Variants in WSCD1 observed in about 807,000 individuals in gnomAD.
WSCD1 encodes WSC domain sialate O sulfotransferase 1.
A neutral mutation model predicts 60.4 loss-of-function variants in WSCD1; 41 were observed. The ratio of observed to expected loss-of-function variants is 0.68; its 90% CI spans 0.53 to 0.88. WSCD1 has a LOEUF of 0.88. Ranked by LOEUF, WSCD1 falls within the 40% of genes least tolerant of loss-of-function variation. WSCD1 has a pLI of 0.00. For synonymous variants in WSCD1, 361 were observed against 332.5 expected, an observed-to-expected ratio of 1.09 and a Z score of -0.93; for missense variants, 784 against 796.2, an observed-to-expected ratio of 0.98 and a Z score of 0.18.
At chr17:6,099,014 A>C (rs1425655913) in intron 5 of WSCD1, among the ~76,000 whole-genome samples, 3 of 152,130 alleles carry the variant, frequency 2.0e-5, no homozygotes, top group Admixed American at 1.3e-4. Flanking sequence ...GCAACTGCTG[A>C]GCAGGAACCA....
At chr17:6,077,180 C>A (rs1009410467) in intron 1 of WSCD1, among the ~76,000 whole-genome samples, 5 of 151,662 alleles carry the variant, frequency 3.3e-5, no homozygotes, top group Non-Finnish European at 5.9e-5. Context: ...CCTCCGCCTC[C>A]CAGGTTTAAG....
rs1233185403 is a variant in WSCD1 at position 6,075,267 on chromosome 17, C to T, written c.-289+4615C>T. ...TCTGGTGTCATTTTCCCTTCAGCTG[C>T]CTCTGCCTGTTCTCTCTGACCGGGG... is the stretch of plus-strand genomic sequence containing the variant. On this transcript the variant is annotated intron_variant, in intron 1 of 8. Coordinates refer to ENST00000317744, the MANE Select transcript of WSCD1 (RefSeq NM_015253.2). This position sits in a 1 kb window ranked among gnomAD's most constrained non-coding sequence, Gnocchi z 4.1. Among the ~76,000 whole-genome samples the T allele has an allele frequency of 6.6e-6, 1 of 152,170 alleles. No homozygotes were observed. The highest frequency in any genetic ancestry group is 1.5e-5 in the Non-Finnish European group (1 of 68,032).
intron 3 of WSCD1, among the ~76,000 whole-genome samples, chr17:6,088,575 A>G (rs1014829550): frequency 2.6e-5 from 4 of 152,182 alleles, no homozygotes; most frequent in Non-Finnish European, 5.9e-5. Context: ...TGTGTCTATA[A>G]CAAGGTTTAC....
Position 6,080,527 on chromosome 17 carries a change from C to T in WSCD1, c.-132C>T. ...GAAACGGGGCAGGAACAGTGAGTGA[C>T]CCCAGGCGAGCACAGGCAGGTGCCA... On this transcript the variant is annotated 5_prime_UTR_variant, in exon 2 of 9. Transcript: ENST00000317744. This position sits in a 1 kb window ranked among gnomAD's most constrained non-coding sequence, Gnocchi z 6.6. The T allele has an allele frequency of 3.3e-6, 3 of 915,398 alleles. No homozygotes were observed. The highest frequency in any genetic ancestry group is 5.0e-6 in the Non-Finnish European group (3 of 597,580). 56.7% of individuals were successfully genotyped at this position (915,398 alleles called of 1,614,324 possible).
At position 6,117,989 on chromosome 17, in the gene WSCD1, G is replaced by A. The variant is rs772109694; in HGVS notation, c.1176G>A (p.Gly392=). The A allele has an allele frequency of 1.9e-6, 3 of 1,613,436 alleles. No individual in the cohort carries two copies. The highest frequency in any genetic ancestry group is 1.3e-5 in the African/African-American group (1 of 75,028). ...YYFDGTLYNK[G]FKGEKDHWRS... is the part of the protein sequence containing the mutation. ...AGACCCTCTCATTTTTCCCTGCAGG[G>A]TTCAAGGGCGAAAAGGACCACTGGC... Residue 392 remains glycine (G), a splice_region_variant and synonymous_variant, in exon 8 of 9, where the codon GGG becomes GGA. Coordinates refer to ENST00000317744, the MANE Select transcript of WSCD1 (RefSeq NM_015253.2).
rs1467441295 is a variant in WSCD1 at position 6,109,824 on chromosome 17, C to A, written c.1009+58C>A. 6 of 1,581,102 alleles carry A rather than the reference C, an allele frequency of 3.8e-6. No individual in the cohort carries two copies. In the African/African-American group the frequency reaches 8.1e-5, roughly 21 times the overall value. ...TTGGTCTGGGGGGTGGGGAGAGCTT[C>A]CAGGGTTTGGAGATGCCAGTCATGG... On this transcript the variant is annotated intron_variant, in intron 6 of 8. Coordinates refer to ENST00000317744, the MANE Select transcript of WSCD1 (RefSeq NM_015253.2).
At chr17:6,087,497 C>G (rs1909733092) in intron 2 of WSCD1, among the ~76,000 whole-genome samples, 1 of 152,228 alleles carries the variant, frequency 6.6e-6, no homozygotes, top group Admixed American at 6.5e-5. Context: ...ATAGCTTTCC[C>G]CGTTTGAAAG....
intron 5 of WSCD1, among the ~76,000 whole-genome samples, chr17:6,099,698 G>T (rs914844803): frequency 3.3e-5 from 5 of 151,166 alleles, no homozygotes; most frequent in African/African-American, 9.7e-5. Context: ...GTTTTTCAAG[G>T]GCTACGTAAA....
At chr17:6,112,653 A>G (rs1174460823) in intron 7 of WSCD1, among the ~76,000 whole-genome samples, 6 of 152,214 alleles carry the variant, frequency 3.9e-5, no homozygotes, top group Non-Finnish European at 8.8e-5. Flanking sequence ...ATTTCCATAT[A>G]CCAATAGTGA....
In WSCD1 at chr17:6,121,626, C is replaced by G. The variant is rs1597374079; in HGVS notation, c.*965C>G. 6.6e-6 allele frequency: 1 copy of G among 152,432 alleles called. No individual in the cohort carries two copies. Among genetic ancestry groups the G allele is most frequent in the African/African-American group, 2.4e-5 (1 of 41,574 alleles). The allele number at this position is 152,432 out of a possible 1,614,324, so 9.4% of individuals were successfully genotyped here. The stretch of plus-strand genomic sequence containing the variant: ...CCCAGGACCCCTGGGGACCTGTACA[C>G]TAGCAGGATGGGTCTTGGGAGTTGG... On this transcript the variant is annotated 3_prime_UTR_variant, in exon 9 of 9. Coordinates refer to ENST00000317744, the MANE Select transcript of WSCD1 (RefSeq NM_015253.2).
chr17:6,071,606 G>A (rs1228862002), intron 1 of WSCD1, among the ~76,000 whole-genome samples: 1 of 152,230 alleles, frequency 6.6e-6, no homozygotes, highest in Non-Finnish European at 1.5e-5. Flanking sequence ...GTTTATGGAG[G>A]CACTTGGTTT....
rs780959465 is a variant in WSCD1, at chr17:6,120,414, G to A, written c.1481G>A (p.Arg494Gln). 3.2e-5 allele frequency: 51 copies of A among 1,613,944 alleles called. No individual in the cohort carries two copies. In the Admixed American group the frequency reaches 5.0e-4, roughly 16 times the overall value. The change falls in exon 9 of 9, where the codon CGG becomes CAG. Residue 494 changes from arginine to glutamine, a missense_variant. Transcript: ENST00000317744. ...RLLVVHYEEL[R>Q]RSLVPTLREM... ...CTGGTGGTGCACTACGAGGAGCTGC[G>A]GCGCAGCCTGGTGCCCACGTTACGG...
intron 7 of WSCD1, among the ~76,000 whole-genome samples, chr17:6,117,241 C>A (rs534683533): frequency 3.3e-5 from 5 of 152,188 alleles, no homozygotes; most frequent in Non-Finnish European, 5.9e-5. Flanking sequence ...AAAGAGAGGG[C>A]CCCCGATGGG....
At chr17:6,099,420 G>A (rs1469275079) in intron 5 of WSCD1, among the ~76,000 whole-genome samples, 3 of 151,946 alleles carry the variant, frequency 2.0e-5, no homozygotes, top group Non-Finnish European at 4.4e-5. Context: ...GAGACTGAGG[G>A]AGGAGAATCG....
Position 6,080,655 on chromosome 17 carries a change from G to C in WSCD1, c.-4G>C. ...TCCAGCCAGGAGCCCTGCTGCCCAG[G>C]GGCATGGCCAAACCTTTCTTCCGAC... is the stretch of plus-strand genomic sequence containing the variant. On this transcript the variant is annotated 5_prime_UTR_variant, in exon 2 of 9. Coordinates refer to ENST00000317744, the MANE Select transcript of WSCD1 (RefSeq NM_015253.2). This position sits in a 1 kb window ranked among gnomAD's most constrained non-coding sequence, Gnocchi z 6.6. 1 of 1,613,380 alleles carries C rather than the reference G, an allele frequency of 6.2e-7. No individual in the cohort carries two copies. Among genetic ancestry groups the C allele is most frequent in the Non-Finnish European group, 8.5e-7 (1 of 1,179,846 alleles).
In WSCD1 at chr17:6,110,644, T is replaced by G; in HGVS notation, c.1010-127T>G. On this transcript the variant is annotated intron_variant, in intron 6 of 8. Transcript: ENST00000317744. This position sits in a 1 kb window ranked among gnomAD's most constrained non-coding sequence, Gnocchi z 4.8. ...ATATTTGGAAGATCTCTTCCCTTCT[T>G]TGGGCCTTGGTTCCCCCATCTATTA... The G allele has an allele frequency of 7.9e-7, 1 of 1,263,856 alleles. No homozygotes were observed. Among genetic ancestry groups the G allele is most frequent in the Non-Finnish European group, 1.1e-6 (1 of 907,908 alleles). The allele number at this position is 1,263,856 out of a possible 1,614,324, so 78.3% of individuals were successfully genotyped here. A position where few individuals can be genotyped will look rare whatever the true frequency, so the allele number is the denominator to read the frequency against.
At chr17:6,098,644 C>G (rs371313032) in intron 5 of WSCD1, among the ~76,000 whole-genome samples, 51 of 152,342 alleles carry the variant, frequency 3.3e-4, no homozygotes, top group African/African-American at 1.2e-3. Flanking sequence ...CGGGCTGCCT[C>G]TGCGTGGTCA....
At chr17:6,084,362 C>A (rs777944425) in intron 2 of WSCD1, among the ~76,000 whole-genome samples, 1 of 152,228 alleles carries the variant, frequency 6.6e-6, no homozygotes, top group East Asian at 1.9e-4. Context: ...CCCTTCCTGT[C>A]GTGGGGCTCC....
intron 7 of WSCD1, among the ~76,000 whole-genome samples, chr17:6,115,407 T>G (rs1439606260): frequency 2.0e-5 from 3 of 152,254 alleles, no homozygotes; most frequent in African/African-American, 7.2e-5. Context: ...AGTTTTGATT[T>G]GTAATCTTTC....
Sources: allele counts gnomAD v4.1 joint callset (sites outside exome capture counted in the v4.1 genomes callset), GRCh38; gene constraint gnomAD v4.1.1; non-coding constraint Gnocchi (gnomAD v3.1); transcripts MANE v1.5; gene names NCBI Gene and HGNC (gene_info 2026-07-23, HGNC 2026-07-21).